Variants in ZFYVE9 observed in about 807,000 individuals in gnomAD.
The protein encoded by ZFYVE9 is zinc finger FYVE domain-containing protein 9.
ZFYVE9 carries 43 observed loss-of-function variants against 126.7 expected under a neutral mutation model. The observed-to-expected ratio is 0.34, with a 90% confidence interval of 0.27 to 0.44. The LOEUF is 0.44. Among genes scored for constraint, ZFYVE9 ranks in the 20% least tolerant of loss-of-function variants. ZFYVE9 has a pLI of 1.00. For missense variants in ZFYVE9, 1,476 were observed against 1,697.0 expected (o/e 0.87, Z 2.29); for synonymous variants, 521 against 597.4 (o/e 0.87, Z 1.87).
intron 13 of ZFYVE9, among the ~76,000 whole-genome samples, chr1:52,319,970 G>A (rs1260187015): frequency 6.7e-6 from 1 of 148,284 alleles, no homozygotes; most frequent in African/African-American, 2.5e-5. Context: ...CTGAGATTGC[G>A]CCATTGCACT....
chr1:52,182,698 G>A (rs948211352), intron 1 of ZFYVE9, among the ~76,000 whole-genome samples: 4 of 151,744 alleles, frequency 2.6e-5, no homozygotes, highest in South Asian at 2.1e-4. Flanking sequence ...CTATTGTCCT[G>A]TGACCCAGCC....
At chr1:52,287,128 C>T (rs546108945) in intron 10 of ZFYVE9, among the ~76,000 whole-genome samples, 67 of 152,062 alleles carry the variant, frequency 4.4e-4, no homozygotes, top group African/African-American at 1.4e-3. Flanking sequence ...CTCGCTGTGT[C>T]GCCCGGGCCG....
At chr1:52,302,811 T>A (rs1053368376) in intron 12 of ZFYVE9, among the ~76,000 whole-genome samples, 8 of 151,872 alleles carry the variant, frequency 5.3e-5, no homozygotes. Context: ...CATCACTTTT[T>A]AAACTGTTAA....
chr1:52,271,087 G>C (rs990615533), intron 7 of ZFYVE9, among the ~76,000 whole-genome samples: 3 of 152,174 alleles, frequency 2.0e-5, no homozygotes, highest in African/African-American at 7.2e-5. Flanking sequence ...TACTCAGGAG[G>C]CTGAGGCAGG....
At chr1:52,162,586 C>A in intron 1 of ZFYVE9, 1 of 256,534 alleles carries the variant, frequency 3.9e-6, no homozygotes, top group South Asian at 6.6e-5. Flanking sequence ...ACATTGGCAC[C>A]ATTCAAAGGT....
chr1:52,166,878 G>T (rs1433042747), intron 1 of ZFYVE9, among the ~76,000 whole-genome samples: 11 of 152,230 alleles, frequency 7.2e-5, no homozygotes, highest in African/African-American at 2.6e-4. Context: ...TCCAGCCTGG[G>T]TGACACCAGA....
At chr1:52,311,544 C>T (rs945096957) in intron 13 of ZFYVE9, among the ~76,000 whole-genome samples, 8 of 152,064 alleles carry the variant, frequency 5.3e-5, no homozygotes, top group Admixed American at 5.2e-4. Flanking sequence ...GGATTATAGG[C>T]GTGAGCCACC....
intron 5 of ZFYVE9, 62 bp downstream of exon 5, chr1:52,263,934 A>G (rs1453644003): frequency 1.7e-6 from 2 of 1,143,840 alleles, no homozygotes; most frequent in Non-Finnish European, 2.5e-6. Flanking sequence ...TTACGATGAG[A>G]AGACTTTTTT....
chr1:52,311,254 T>G (rs2147850079), intron 13 of ZFYVE9, among the ~76,000 whole-genome samples: 1 of 135,392 alleles, frequency 7.4e-6, no homozygotes, highest in East Asian at 2.3e-4. Flanking sequence ...AAATAGACCT[T>G]GGATTGATTT....
chr1:52,157,208 A>G lies in ZFYVE9; in HGVS notation c.-143+14805A>G, dbSNP rs528767188. 3.9e-5 allele frequency among the ~76,000 whole-genome samples: 6 copies of G among 152,026 alleles called. No individual in the cohort carries two copies. The South Asian group carries it at 6.2e-4, about 16-fold the overall frequency. ...GATGGACTTGGGAATAATTTTACAT[A>G]TATATATGAGTTTAGATGTGAAAAC... On this transcript the variant is annotated intron_variant, in intron 1 of 18. Coordinates refer to ENST00000287727, the MANE Select transcript of ZFYVE9 (RefSeq NM_004799.4).
rs552647381 is a variant in ZFYVE9, at chr1:52,146,581, G to A, written c.-143+4178G>A. Among the ~76,000 whole-genome samples the A allele has an allele frequency of 2.6e-4, 40 of 152,126 alleles. No homozygotes were observed. In the East Asian group the frequency reaches 7.1e-3, roughly 27 times the overall value. On this transcript the variant is annotated intron_variant, in intron 1 of 18. Coordinates refer to ENST00000287727, the MANE Select transcript of ZFYVE9 (RefSeq NM_004799.4). ...TAGTCACCTTACAGGATTATTGTAA[G>A]TATTAAATGATATAATGGGTAAATC... is the stretch of plus-strand genomic sequence containing the variant.
chr1:52,232,728 CA>C (rs552213191), intron 2 of ZFYVE9, among the ~76,000 whole-genome samples: 458 of 27,318 alleles, frequency 0.017, 1 homozygote, highest in African/African-American at 0.039. Context: ...GACTCTGTCT[CA>C]AAAAAAAAAA....
At chr1:52,332,984 C>T in intron 14 of ZFYVE9, 66 bp downstream of exon 14, 1 of 1,581,852 alleles carries the variant, frequency 6.3e-7, no homozygotes, top group Non-Finnish European at 8.6e-7. Context: ...CAGTTAGATA[C>T]CTCAGTCCCG....
intron 4 of ZFYVE9, among the ~76,000 whole-genome samples, chr1:52,242,554 T>A (rs940261360): frequency 5.3e-5 from 8 of 151,938 alleles, no homozygotes; most frequent in Non-Finnish European, 1.2e-4. Flanking sequence ...TTTTTTTTTT[T>A]AAATCCAGTG....
At chr1:52,329,852 C>T (rs1434780673) in intron 13 of ZFYVE9, among the ~76,000 whole-genome samples, 3 of 152,022 alleles carry the variant, frequency 2.0e-5, no homozygotes, top group Admixed American at 6.6e-5. Flanking sequence ...TTGCAGTGAG[C>T]CTAGATCGCG....
chr1:52,343,360 C>T (rs977178159), intron 17 of ZFYVE9, among the ~76,000 whole-genome samples: 3 of 151,916 alleles, frequency 2.0e-5, no homozygotes, highest in African/African-American at 4.8e-5. Flanking sequence ...GCAGGAGAAT[C>T]GCTTGAACCT....
At chr1:52,266,948 G>A in intron 6 of ZFYVE9, 117 bp downstream of exon 6, 1 of 977,396 alleles carries the variant, frequency 1.0e-6, no homozygotes, top group Non-Finnish European at 1.4e-6. Context: ...TCTTTGGGTG[G>A]TTATTAAAAT....
chr1:52,330,013 G>T (rs1367185652), intron 13 of ZFYVE9, among the ~76,000 whole-genome samples: 1 of 128,446 alleles, frequency 7.8e-6, no homozygotes, highest in Non-Finnish European at 1.6e-5. Context: ...GAGGATCAGT[G>T]TCAACCTGGA....
At chr1:52,338,043 A>G (rs1214811455) in intron 16 of ZFYVE9, 109 bp downstream of exon 16, 11 of 1,325,108 alleles carry the variant, frequency 8.3e-6, no homozygotes, top group Non-Finnish European at 1.1e-5. Context: ...GCCCTGCCTA[A>G]GAGAAAGACT....
Sources: gnomAD v4.1 joint callset for allele counts (sites outside exome capture counted in the v4.1 genomes callset) on GRCh38, gnomAD v4.1.1 for gene constraint, MANE v1.5 for transcripts, NCBI Gene and HGNC (gene_info 2026-07-23, HGNC 2026-07-21) for gene names.